The following RIMS1 variants were observed in gnomAD, a reference collection of about 807,000 sequenced individuals.
RIMS1 encodes regulating synaptic membrane exocytosis protein 1.
Under a neutral mutation model 214.1 loss-of-function variants are expected in RIMS1, and 83 were observed. The observed-to-expected ratio is 0.39, with a 90% CI of 0.32 to 0.47. The LOEUF (loss-of-function observed/expected upper bound fraction) is 0.47, where lower values mean the gene tolerates loss of function less well. Ranked by LOEUF, RIMS1 falls within the 20% of genes least tolerant of loss-of-function variation. The pLI is 0.99. For synonymous variants in RIMS1, 793 were observed against 786.8 expected, an observed-to-expected ratio of 1.01 and a Z score of -0.13; for missense variants, 2,050 against 2,161.8, an observed-to-expected ratio of 0.95 and a Z score of 1.03.
At chr6:71,927,894 C>T (rs1781986152) in intron 1 of RIMS1, among the ~76,000 whole-genome samples, 1 of 152,064 alleles carries the variant, frequency 6.6e-6, no homozygotes, top group African/African-American at 2.4e-5. Context: ...ATTTTTGAAA[C>T]TACACAATCT....
At chr6:71,888,655 C>G (rs1306443472) in intron 1 of RIMS1, among the ~76,000 whole-genome samples, 4 of 152,176 alleles carry the variant, frequency 2.6e-5, no homozygotes, top group Non-Finnish European at 5.9e-5. Context: ...GAGGGGGATA[C>G]TGAGGGAGAG....
intron 1 of RIMS1, among the ~76,000 whole-genome samples, chr6:71,900,080 G>A (rs1773132005): frequency 6.6e-6 from 1 of 152,074 alleles, no homozygotes; most frequent in South Asian, 2.1e-4. Flanking sequence ...ACTTTATCAG[G>A]AATTTTGACT....
chr6:72,366,040 G>A (rs1383044045), intron 29 of RIMS1, among the ~76,000 whole-genome samples: 1 of 152,158 alleles, frequency 6.6e-6, no homozygotes, highest in Non-Finnish European at 1.5e-5. Context: ...ATTATGATAA[G>A]GGTTAATGGA....
At chr6:72,138,928 A>T (rs1264608774) in intron 4 of RIMS1, among the ~76,000 whole-genome samples, 1 of 152,206 alleles carries the variant, frequency 6.6e-6, no homozygotes. Context: ...GGAGTTTACC[A>T]TGAACAATTC....
intron 2 of RIMS1, among the ~76,000 whole-genome samples, chr6:71,977,501 G>A (rs1755330931): frequency 6.6e-6 from 1 of 152,058 alleles, no homozygotes; most frequent in Non-Finnish European, 1.5e-5. Context: ...GAGTATGGGA[G>A]GAGACAATCT....
intron 4 of RIMS1, among the ~76,000 whole-genome samples, chr6:72,170,505 G>A (rs2046884204): frequency 6.6e-6 from 1 of 151,884 alleles, no homozygotes; most frequent in African/African-American, 2.4e-5. Flanking sequence ...CACCACGCCT[G>A]GCTAATTTTT....
intron 7 of RIMS1, 122 bp from the exon 8 acceptor site, chr6:72,235,496 C>A: frequency 1.7e-6 from 1 of 605,666 alleles, no homozygotes. Flanking sequence ...GCTTATTTCA[C>A]TTAACATAAT....
intron 1 of RIMS1, among the ~76,000 whole-genome samples, chr6:71,888,790 G>A (rs1049082927): frequency 2.0e-5 from 3 of 152,236 alleles, no homozygotes; most frequent in African/African-American, 7.2e-5. Flanking sequence ...AGAGCAGCAG[G>A]TTTCTGAATT....
At chr6:72,107,086 C>T (rs2153815464) in intron 4 of RIMS1, among the ~76,000 whole-genome samples, 1 of 152,252 alleles carries the variant, frequency 6.6e-6, no homozygotes, top group East Asian at 1.9e-4. Flanking sequence ...CAGAGTGCTC[C>T]CTGAGTGTAC....
At chr6:72,253,477 G>A (rs2074367551) in intron 16 of RIMS1, among the ~76,000 whole-genome samples, 2 of 152,152 alleles carry the variant, frequency 1.3e-5, no homozygotes, top group Admixed American at 1.3e-4. Flanking sequence ...TGTCAGAAAA[G>A]TGTAAAATCA....
intron 4 of RIMS1, among the ~76,000 whole-genome samples, chr6:72,130,723 ATAT>A (rs1489940924): frequency 6.6e-6 from 1 of 152,164 alleles, no homozygotes; most frequent in Non-Finnish European, 1.5e-5. Flanking sequence ...TTGCAGGAAA[ATAT>A]TATGTCCCAC....
At chr6:72,049,355 A>C (rs938744862) in intron 2 of RIMS1, among the ~76,000 whole-genome samples, 1 of 152,058 alleles carries the variant, frequency 6.6e-6, no homozygotes, top group African/African-American at 2.4e-5. Context: ...ATGGTTTAGC[A>C]TGAGGGCAGA....
chr6:72,263,998 A>T (rs901438817), intron 19 of RIMS1: 1 of 672,176 alleles, frequency 1.5e-6, no homozygotes, highest in African/African-American at 2.0e-5. Flanking sequence ...TGTCTCAAAA[A>T]AGAAAAGAAA....
intron 2 of RIMS1, among the ~76,000 whole-genome samples, chr6:72,027,056 A>C (rs897030239): frequency 6.6e-6 from 1 of 152,214 alleles, no homozygotes; most frequent in African/African-American, 2.4e-5. Flanking sequence ...TGTGCATATA[A>C]ATATGAATGA....
At chr6:72,390,570 TAG>T (rs746333519) in intron 29 of RIMS1, 26 bp from the exon 30 acceptor site, 7 of 1,591,504 alleles carry the variant, frequency 4.4e-6, no homozygotes, top group Non-Finnish European at 6.0e-6. Context: ...AAATAAAACT[TAG>T]AGTTTCTTTT....
intron 9 of RIMS1, among the ~76,000 whole-genome samples, chr6:72,241,536 T>G (rs145346221): frequency 6.6e-6 from 1 of 152,312 alleles, no homozygotes; most frequent in East Asian, 1.9e-4. Context: ...TAATGCAACA[T>G]CTTTTAACTC....
intron 4 of RIMS1, among the ~76,000 whole-genome samples, chr6:72,148,994 GA>G (rs960285245): frequency 2.1e-4 from 31 of 147,650 alleles, no homozygotes; most frequent in East Asian, 7.9e-4. Context: ...CTCCCCAAAG[GA>G]AAAAAAAAAT....
At chr6:72,234,828 C>T (rs2063407259) in intron 7 of RIMS1, among the ~76,000 whole-genome samples, 1 of 151,980 alleles carries the variant, frequency 6.6e-6, no homozygotes, top group Admixed American at 6.6e-5. Context: ...CAGTTTATAG[C>T]TTGTTCAGAT....
chr6:72,187,479 G>GTTTT (rs61420518), intron 6 of RIMS1, among the ~76,000 whole-genome samples: 1,981 of 125,470 alleles, frequency 0.016, 71 homozygotes, highest in South Asian at 0.019. Flanking sequence ...TATCCTTTTT[G>GTTTT]TTTTTTTTTT....
Sources: gnomAD v4.1 joint callset for allele counts (sites outside exome capture counted in the v4.1 genomes callset) on GRCh38, gnomAD v4.1.1 for gene constraint, MANE v1.5 for transcripts, NCBI Gene and HGNC (gene_info 2026-07-23, HGNC 2026-07-21) for gene names.